The following VPS13B variants were observed in gnomAD, a reference collection of about 807,000 sequenced individuals.
VPS13B encodes the protein intermembrane lipid transfer protein VPS13B.
In VPS13B, 285 loss-of-function variants were observed where a neutral mutation model predicts 426.4. The ratio of observed to expected loss-of-function variants is 0.67; its 90% confidence interval spans 0.61 to 0.74. VPS13B has a LOEUF of 0.74. Ranked by LOEUF, VPS13B falls within the 30% of genes least tolerant of loss-of-function variation. VPS13B has a pLI of 0.00. For synonymous variants in VPS13B, 1,676 were observed against 1,676.4 expected (o/e 1.00, Z 0.01); for missense variants, 4,537 against 4,782.6 (o/e 0.95, Z 1.51).
chr8:99,864,874 G>C (rs1817013738), intron 58 of VPS13B, among the ~76,000 whole-genome samples: 1 of 152,190 alleles, frequency 6.6e-6, no homozygotes, highest in African/African-American at 2.4e-5. Flanking sequence ...TCCAGGCCTG[G>C]AAACAATCAG....
At chr8:99,157,750 T>A (rs1298203793) in intron 15 of VPS13B, among the ~76,000 whole-genome samples, 1 of 152,222 alleles carries the variant, frequency 6.6e-6, no homozygotes, top group African/African-American at 2.4e-5. Context: ...GCCAGAAAGC[T>A]AGGCCTCTTT....
In VPS13B at chr8:99,380,809, C is replaced by T. The variant is rs182245553; in HGVS notation, c.2825-3399C>T. On this transcript the variant is annotated intron_variant, in intron 19 of 61. Transcript: ENST00000357162. ...GTACTATTTTCAGTTATCCTGAGAACCAGCTATGGTTTATTCTGACATATA... is the reference window on the plus strand; with the variant it reads ...GTACTATTTTCAGTTATCCTGAGAATCAGCTATGGTTTATTCTGACATATA... Among the ~76,000 whole-genome samples the T allele has an allele frequency of 1.4e-4, 21 of 151,340 alleles. 2 individuals carry two copies. Among genetic ancestry groups the T allele is most frequent in the African/African-American group, 5.1e-4 (21 of 41,258 alleles).
chr8:99,176,133 T>C (rs1812616420), intron 16 of VPS13B, among the ~76,000 whole-genome samples: 1 of 151,698 alleles, frequency 6.6e-6, no homozygotes, highest in South Asian at 2.1e-4. Flanking sequence ...TAAAATACTA[T>C]AAACTTTTGT....
At chr8:99,086,806 G>A (rs1253101403) in intron 3 of VPS13B, among the ~76,000 whole-genome samples, 1 of 152,124 alleles carries the variant, frequency 6.6e-6, no homozygotes, top group African/African-American at 2.4e-5. Context: ...CTGCCTGATT[G>A]TTCCTCTGGA....
At chr8:99,074,552 T>C (rs1845020331) in intron 3 of VPS13B, among the ~76,000 whole-genome samples, 1 of 151,944 alleles carries the variant, frequency 6.6e-6, no homozygotes, top group Non-Finnish European at 1.5e-5. Flanking sequence ...ATTATGATGC[T>C]TATTTGTTGT....
intron 35 of VPS13B, among the ~76,000 whole-genome samples, chr8:99,695,748 T>C (rs1249527384): frequency 6.9e-6 from 1 of 145,396 alleles, no homozygotes; most frequent in Non-Finnish European, 1.5e-5. Flanking sequence ...GAAAATACAG[T>C]GTCCCCACAT....
intron 31 of VPS13B, among the ~76,000 whole-genome samples, chr8:99,574,848 G>A (rs1825694179): frequency 1.3e-5 from 2 of 152,028 alleles, no homozygotes; most frequent in East Asian, 3.9e-4. Context: ...TTGTTTTCAG[G>A]AAGCATTTAA....
intron 30 of VPS13B, among the ~76,000 whole-genome samples, chr8:99,525,610 G>A (rs926560563): frequency 2.6e-5 from 4 of 152,150 alleles, no homozygotes; most frequent in African/African-American, 9.6e-5. Context: ...ATTATTTTGA[G>A]GGAGGCTACT....
intron 39 of VPS13B, among the ~76,000 whole-genome samples, chr8:99,723,461 G>A (rs190965295): frequency 1.1e-4 from 17 of 152,172 alleles, no homozygotes; most frequent in Admixed American, 2.0e-4. Flanking sequence ...CAACTAGTAC[G>A]TATTTGCAAA....
chr8:99,591,440 A>C (rs1474292598), intron 33 of VPS13B, among the ~76,000 whole-genome samples: 1 of 152,024 alleles, frequency 6.6e-6, no homozygotes, highest in South Asian at 2.1e-4. Context: ...CAGTTTCTTC[A>C]TAGCATCGAT....
intron 19 of VPS13B, among the ~76,000 whole-genome samples, chr8:99,307,147 C>G (rs144187328): frequency 5.3e-5 from 8 of 152,160 alleles, no homozygotes; most frequent in African/African-American, 1.9e-4. Flanking sequence ...TTGTTTTAAT[C>G]TCTTGATAGA....
At chr8:99,092,179 T>C (rs1201206144) in intron 3 of VPS13B, 2 of 152,204 alleles carry the variant, frequency 1.3e-5, no homozygotes, top group African/African-American at 4.8e-5. Context: ...TTACGTGCAG[T>C]GTTTGCCACA....
intron 4 of VPS13B, among the ~76,000 whole-genome samples, chr8:99,097,113 G>T (rs1293305640): frequency 2.0e-5 from 3 of 152,170 alleles, no homozygotes; most frequent in Admixed American, 6.5e-5. Flanking sequence ...TGACTTAGAA[G>T]TTAAATCTCA....
intron 1 of VPS13B, 55 bp downstream of exon 1, chr8:99,013,402 C>G (rs1164906941): frequency 3.0e-6 from 1 of 332,704 alleles, no homozygotes; most frequent in African/African-American, 2.1e-5. Flanking sequence ...GGTCTTCTAG[C>G]TTTGGTTCTA....
rs551322688 is a variant in VPS13B at position 99,406,400 on chromosome 8, T to C, written c.3082+14696T>C. Among the ~76,000 whole-genome samples the C allele has an allele frequency of 2.6e-5, 4 of 152,306 alleles. No homozygotes were observed. The East Asian group carries it at 7.7e-4, about 29-fold the overall frequency. On this transcript the variant is annotated intron_variant, in intron 21 of 61. Coordinates refer to ENST00000357162, the MANE Select transcript of VPS13B (RefSeq NM_152564.5). ...GTTTCTCGTTATTTTTATTCAGAGA[T>C]GTAAAACTCTCATTCCTTAATCTTT...
chr8:99,036,070 G>A (rs1017377098), intron 2 of VPS13B, among the ~76,000 whole-genome samples: 2 of 151,914 alleles, frequency 1.3e-5, no homozygotes, highest in East Asian at 3.8e-4. Context: ...TCAGATAGAT[G>A]GTTTGCAAAT....
At chr8:99,069,152 G>T (rs1441396369) in intron 3 of VPS13B, among the ~76,000 whole-genome samples, 2 of 152,096 alleles carry the variant, frequency 1.3e-5, no homozygotes, top group African/African-American at 4.8e-5. Context: ...ATGGAGTCAG[G>T]CTGGGTATGG....
intron 3 of VPS13B, among the ~76,000 whole-genome samples, chr8:99,060,237 T>C (rs996347660): frequency 6.6e-6 from 1 of 152,190 alleles, no homozygotes; most frequent in African/African-American, 2.4e-5. Context: ...TGTGTCTAGA[T>C]CCTAGAAGTA....
intron 17 of VPS13B, among the ~76,000 whole-genome samples, chr8:99,226,055 C>T (rs1466769339): frequency 6.6e-6 from 1 of 152,110 alleles, no homozygotes; most frequent in Non-Finnish European, 1.5e-5. Context: ...AGCCATTCTC[C>T]TGCCTCAGCC....
Sources: allele counts gnomAD v4.1 joint callset (sites outside exome capture counted in the v4.1 genomes callset), GRCh38; gene constraint gnomAD v4.1.1; transcripts MANE v1.5; gene names NCBI Gene and HGNC (gene_info 2026-07-23, HGNC 2026-07-21).